GPHN: variants seen among roughly 807,000 people sequenced by gnomAD.
The protein encoded by GPHN is gephyrin.
In GPHN, 17 loss-of-function variants were observed where a neutral mutation model predicts 95.5. That is an observed-to-expected ratio of 0.18 (90% CI 0.12 to 0.27). GPHN has a LOEUF of 0.27. Among genes scored for constraint, GPHN ranks in the 10% least tolerant of loss-of-function variants. GPHN has a pLI of 1.00. For synonymous variants in GPHN, 320 were observed against 322.5 expected (o/e 0.99, Z 0.08); for missense variants, 660 against 978.1 (o/e 0.67, Z 4.34).
chr14:67,100,017 T>A (rs2077607830), intron 12 of GPHN, among the ~76,000 whole-genome samples: 2 of 152,160 alleles, frequency 1.3e-5, no homozygotes, highest in African/African-American at 4.8e-5. Context: ...CAAGAATGTT[T>A]CTTCATCTAG....
At chr14:67,344,788 G>T in the GPHN span, among the ~76,000 whole-genome samples, 2 of 151,670 alleles carry the variant, frequency 1.3e-5, no homozygotes, top group African/African-American at 4.8e-5. Flanking sequence ...AGGCTGAGGC[G>T]GGAGACTGCT....
chr14:66,833,915 A>G (rs2061685357), intron 4 of GPHN, among the ~76,000 whole-genome samples: 1 of 152,150 alleles, frequency 6.6e-6, no homozygotes, highest in Non-Finnish European at 1.5e-5. Context: ...AATAGTGGAG[A>G]AATCATAGTA....
At chr14:67,007,711 C>T (rs539610943) in intron 9 of GPHN, among the ~76,000 whole-genome samples, 6 of 152,316 alleles carry the variant, frequency 3.9e-5, no homozygotes, top group Non-Finnish European at 8.8e-5. Flanking sequence ...CTTTCACTTG[C>T]AATTATCTAA....
intron 9 of GPHN, among the ~76,000 whole-genome samples, chr14:67,017,010 G>C (rs896810480): frequency 1.3e-5 from 2 of 152,030 alleles, no homozygotes; most frequent in African/African-American, 4.8e-5. Context: ...AGCTCTAAGT[G>C]TTAAATGTCA....
chr14:67,466,308 A>T, the GPHN span, among the ~76,000 whole-genome samples: 1 of 152,254 alleles, frequency 6.6e-6, no homozygotes, highest in Non-Finnish European at 1.5e-5. Flanking sequence ...TGCCCAAACC[A>T]AGAAAGTGTA....
chr14:66,637,642 C>G (rs2064171466), intron 1 of GPHN, among the ~76,000 whole-genome samples: 1 of 152,020 alleles, frequency 6.6e-6, no homozygotes, highest in Admixed American at 6.6e-5. Context: ...AAAGGACTAC[C>G]ATGTTTAAGG....
At chr14:67,647,973 A>C in the GPHN span, 1 of 1,418,686 alleles carries the variant, frequency 7.0e-7, no homozygotes, top group African/African-American at 1.4e-5. Flanking sequence ...AGTTGCAACC[A>C]TAAGAAGGAT....
At chr14:67,441,930 C>T in the GPHN span, 2 of 153,810 alleles carry the variant, frequency 1.3e-5, 1 homozygote, top group African/African-American at 4.8e-5. Flanking sequence ...CTGCAGTTGG[C>T]TATAAATATC....
At chr14:67,350,672 C>T in the GPHN span, 26 of 1,613,254 alleles carry the variant, frequency 1.6e-5, no homozygotes, top group Admixed American at 5.0e-5. Context: ...CTCATCACTT[C>T]GCCCATCAAC....
At position 67,143,651 on chromosome 14, in the gene GPHN, A is replaced by G. The variant is rs113719233; in HGVS notation, c.1836+202A>G. ...GAGCTTACCCTCAGGAGCAACCTGG[A>G]GAATCCCACAACTTACAGAATGGTT... On this transcript the variant is annotated intron_variant, in intron 18 of 22. Coordinates refer to ENST00000478722, the MANE Select transcript of GPHN (RefSeq NM_020806.5). Among the ~76,000 whole-genome samples the G allele has an allele frequency of 6.0e-4, 92 of 152,314 alleles. 3 individuals are homozygous for G. Among genetic ancestry groups the G allele is most frequent in the African/African-American group, 2.1e-3 (89 of 41,574 alleles).
At chr14:66,739,886 T>C (rs2072646518) in intron 2 of GPHN, among the ~76,000 whole-genome samples, 1 of 151,830 alleles carries the variant, frequency 6.6e-6, no homozygotes, top group South Asian at 2.1e-4. Flanking sequence ...CTAAAAAAAA[T>C]CAATAGGGAA....
At chr14:67,256,925 C>G in the GPHN span, among the ~76,000 whole-genome samples, 2 of 152,102 alleles carry the variant, frequency 1.3e-5, no homozygotes, top group Non-Finnish European at 2.9e-5. Context: ...AAATATCTGA[C>G]AGGTCTCATT....
chr14:67,038,276 G>A (rs866914024), intron 10 of GPHN, among the ~76,000 whole-genome samples: 3 of 152,090 alleles, frequency 2.0e-5, no homozygotes, highest in African/African-American at 7.2e-5. Flanking sequence ...AAGTAGAATG[G>A]TGGTTGCCAG....
chr14:67,672,445 TTC>T, the GPHN span, among the ~76,000 whole-genome samples: 7 of 99,414 alleles, frequency 7.0e-5, no homozygotes, highest in Non-Finnish European at 1.1e-4. Flanking sequence ...TTCTTTTCTT[TTC>T]TTTTTTTTTT....
At chr14:66,690,855 C>G (rs896070527) in intron 2 of GPHN, among the ~76,000 whole-genome samples, 5 of 152,162 alleles carry the variant, frequency 3.3e-5, no homozygotes, top group Non-Finnish European at 5.9e-5. Context: ...ATGAAGGTCA[C>G]ATAAGGTTGA....
intron 1 of GPHN, among the ~76,000 whole-genome samples, chr14:66,534,698 G>A (rs1737621211): frequency 6.6e-6 from 1 of 152,062 alleles, no homozygotes; most frequent in South Asian, 2.1e-4. Flanking sequence ...CTACATTTTT[G>A]TCAATATTGT....
intron 12 of GPHN, among the ~76,000 whole-genome samples, chr14:67,095,943 C>CA (rs1197211522): frequency 1.5e-3 from 28 of 19,168 alleles, no homozygotes; most frequent in East Asian, 2.1e-3. Context: ...AATAAAAAAA[C>CA]AAAAAAAAAG....
rs1211796928 is a variant in GPHN at position 66,560,501 on chromosome 14, C to A, written c.64+51910C>A. On this transcript the variant is annotated intron_variant, in intron 1 of 22. Transcript: ENST00000478722. The stretch of plus-strand genomic sequence containing the variant: ...CTAGGTATTTTATTCTCTTTGAAGC[C>A]ATTGTGATTGGGAGTTCACTCATGA... 6.6e-5 allele frequency among the ~76,000 whole-genome samples: 10 copies of A among 152,148 alleles called. No homozygotes were observed. In the East Asian group the frequency reaches 1.4e-3, roughly 21 times the overall value.
chr14:67,694,070 T>TTAAAACAATCTG, the GPHN span, among the ~76,000 whole-genome samples: 1 of 152,198 alleles, frequency 6.6e-6, no homozygotes, highest in Non-Finnish European at 1.5e-5. Flanking sequence ...GGGACTCTGG[T>TTAAAACAATCTG]TAAAACAATC....
Sources: gnomAD v4.1 joint callset for allele counts (sites outside exome capture counted in the v4.1 genomes callset) on GRCh38, gnomAD v4.1.1 for gene constraint, MANE v1.5 for transcripts, NCBI Gene and HGNC (gene_info 2026-07-23, HGNC 2026-07-21) for gene names.